Variants in SDCCAG8 observed in about 807,000 individuals in gnomAD.
The protein encoded by SDCCAG8 is serologically defined colon cancer antigen 8.
SDCCAG8 carries 74 observed loss-of-function variants against 101.8 expected under a neutral mutation model. The observed-to-expected ratio is 0.73, with a 90% CI of 0.60 to 0.88. The LOEUF is 0.88. SDCCAG8 is among the 40% of genes least tolerant of loss of function. The pLI is 0.00. For missense variants in SDCCAG8, 787 were observed against 822.6 expected (o/e 0.96, Z 0.53); for synonymous variants, 281 against 292.9 (o/e 0.96, Z 0.41).
rs574506210 is a variant in SDCCAG8 at position 243,445,087 on chromosome 1, C to T, written c.1985+18529C>T. ...CTTATCTCAAGTAAATTTACTTATT[C>T]TCACATTAATAACAAACATATTTTT... On this transcript the variant is annotated intron_variant, in intron 16 of 17. Coordinates refer to ENST00000366541, the MANE Select transcript of SDCCAG8 (RefSeq NM_006642.5). Among the ~76,000 whole-genome samples, 4 of 152,210 alleles carry T rather than the reference C, an allele frequency of 2.6e-5. 1 individual carries two copies. In the South Asian group the frequency reaches 8.3e-4, roughly 32 times the overall value.
At chr1:243,328,302 G>A (rs1026993611) in intron 9 of SDCCAG8, among the ~76,000 whole-genome samples, 7 of 151,682 alleles carry the variant, frequency 4.6e-5, no homozygotes, top group Non-Finnish European at 7.4e-5. Flanking sequence ...TTTTGGGGAC[G>A]GAGTCACACT....
At chr1:243,466,636 C>CAACAAACA (rs2148176923) in intron 16 of SDCCAG8, among the ~76,000 whole-genome samples, 1 of 152,168 alleles carries the variant, frequency 6.6e-6, no homozygotes, top group East Asian at 1.9e-4. Context: ...AGTAAGTACT[C>CAACAAACA]AACAAACATT....
At chr1:243,378,251 T>A (rs1390145340) in intron 12 of SDCCAG8, among the ~76,000 whole-genome samples, 1 of 152,028 alleles carries the variant, frequency 6.6e-6, no homozygotes, top group Non-Finnish European at 1.5e-5. Context: ...CTCACATTTT[T>A]CGAAAATCTC....
At chr1:243,318,172 CCA>C in intron 9 of SDCCAG8, 1 of 421,442 alleles carries the variant, frequency 2.4e-6, no homozygotes, top group South Asian at 1.7e-5. Context: ...TAGTATGCAG[CCA>C]TAAAAAGAAT....
At chr1:243,337,304 G>A (rs1250091971) in intron 10 of SDCCAG8, among the ~76,000 whole-genome samples, 3 of 152,172 alleles carry the variant, frequency 2.0e-5, no homozygotes, top group African/African-American at 7.2e-5. Flanking sequence ...GTTTGTCAAA[G>A]ATCAGATGGC....
chr1:243,292,791 T>C (rs1311782616), intron 5 of SDCCAG8, among the ~76,000 whole-genome samples: 1 of 152,248 alleles, frequency 6.6e-6, no homozygotes, highest in African/African-American at 2.4e-5. Flanking sequence ...GAGAGAGGTG[T>C]GTGCTTCAAG....
At chr1:243,384,759 A>G (rs1185333984) in intron 13 of SDCCAG8, among the ~76,000 whole-genome samples, 3 of 151,774 alleles carry the variant, frequency 2.0e-5, no homozygotes, top group Non-Finnish European at 4.4e-5. Context: ...CCTGGGTAAC[A>G]TAGCATGACC....
At position 243,256,135 on chromosome 1, in the gene SDCCAG8, T is replaced by TC; in HGVS notation, c.-35dup. On this transcript the variant is annotated 5_prime_UTR_variant, in exon 1 of 18. Coordinates refer to ENST00000366541, the MANE Select transcript of SDCCAG8 (RefSeq NM_006642.5). ...CTCGGAAGGGAGAAAGCTGGACATT[T>TC]CCCCACGTAACTCCCAGCTCTGGGC... 1.9e-6 allele frequency: 3 copies of TC among 1,590,548 alleles called. No homozygotes were observed. The highest frequency in any genetic ancestry group is 2.6e-6 in the Non-Finnish European group (3 of 1,158,596).
At chr1:243,286,744 A>G (rs1244981476) in intron 5 of SDCCAG8, among the ~76,000 whole-genome samples, 1 of 152,194 alleles carries the variant, frequency 6.6e-6, no homozygotes, top group East Asian at 1.9e-4. Flanking sequence ...ATTTCTCTAA[A>G]TTTTCCTTGA....
chr1:243,341,533 G>A (rs1296226633), intron 11 of SDCCAG8, among the ~76,000 whole-genome samples: 1 of 152,142 alleles, frequency 6.6e-6, no homozygotes, highest in South Asian at 2.1e-4. Context: ...CTTTGTTTTT[G>A]CCGTAGATAG....
At chr1:243,492,617 T>G (rs1245844096) in intron 17 of SDCCAG8, among the ~76,000 whole-genome samples, 4 of 144,478 alleles carry the variant, frequency 2.8e-5, no homozygotes, top group South Asian at 2.3e-4. Flanking sequence ...TTTTTTTTTT[T>G]TTTTTTTTTT....
chr1:243,287,866 T>C (rs1451526322), intron 5 of SDCCAG8, among the ~76,000 whole-genome samples: 1 of 152,082 alleles, frequency 6.6e-6, no homozygotes, highest in Non-Finnish European at 1.5e-5. Flanking sequence ...GGCAGACAAG[T>C]GAATCAGAGG....
rs1553305823 is a variant in SDCCAG8 at position 243,312,721 on chromosome 1, A to AT, written c.930-4034_930-4033insT. Among the ~76,000 whole-genome samples the AT allele has an allele frequency of 2.9e-3, 448 of 151,932 alleles. 5 individuals carry two copies. Among genetic ancestry groups the AT allele is most frequent in the African/African-American group, 0.01 (430 of 41,408 alleles). On this transcript the variant is annotated intron_variant, in intron 8 of 17. Coordinates refer to ENST00000366541, the MANE Select transcript of SDCCAG8 (RefSeq NM_006642.5). Reference sequence around the variant, plus strand: ...AACCTGTCTCCAAAAAAAAAAAAAAAAAAATAATGGCTTGTACAGTTGACA... The same window carrying AT: ...AACCTGTCTCCAAAAAAAAAAAAAAATAAAATAATGGCTTGTACAGTTGACA...
chr1:243,465,172 G>A (rs1323963837), intron 16 of SDCCAG8, among the ~76,000 whole-genome samples: 2 of 152,254 alleles, frequency 1.3e-5, no homozygotes, highest in African/African-American at 2.4e-5. Context: ...GCATGGGTGA[G>A]TCATGGTCTC....
chr1:243,288,580 G>T (rs781122905), intron 5 of SDCCAG8, among the ~76,000 whole-genome samples: 1 of 152,102 alleles, frequency 6.6e-6, no homozygotes, highest in Non-Finnish European at 1.5e-5. Flanking sequence ...AAAAAATCAA[G>T]AAATATCTTC....
intron 6 of SDCCAG8, chr1:243,293,536 G>T: frequency 2.0e-6 from 1 of 500,210 alleles, no homozygotes; most frequent in Admixed American, 2.3e-5. Context: ...GACATAAGTG[G>T]AATTAAACAA....
chr1:243,263,335 T>G (rs2067332762), intron 1 of SDCCAG8, among the ~76,000 whole-genome samples: 2 of 152,160 alleles, frequency 1.3e-5, no homozygotes, highest in South Asian at 4.1e-4. Flanking sequence ...AAAAGAGAAT[T>G]ATCAGGTCCA....
chr1:243,478,646 G>T (rs557558445), intron 16 of SDCCAG8, among the ~76,000 whole-genome samples: 2 of 152,178 alleles, frequency 1.3e-5, no homozygotes, highest in Non-Finnish European at 2.9e-5. Flanking sequence ...GTAGATTTAG[G>T]CACGGGAAAT....
chr1:243,482,157 T>G (rs1004691181), intron 16 of SDCCAG8, among the ~76,000 whole-genome samples: 19 of 152,240 alleles, frequency 1.2e-4, no homozygotes, highest in African/African-American at 4.3e-4. Context: ...GCTGGCAGCT[T>G]GCACCGCTTC....
Sources: gnomAD v4.1 joint callset for allele counts (sites outside exome capture counted in the v4.1 genomes callset) on GRCh38, gnomAD v4.1.1 for gene constraint, MANE v1.5 for transcripts, NCBI Gene and HGNC (gene_info 2026-07-23, HGNC 2026-07-21) for gene names.